Variants in ITPR1 observed in about 807,000 individuals in gnomAD.
The protein encoded by ITPR1 is inositol 1,4,5-trisphosphate-gated calcium channel ITPR1.
In ITPR1, 96 loss-of-function variants were observed where a neutral mutation model predicts 318.4. The ratio of observed to expected loss-of-function variants is 0.30; its 90% CI spans 0.26 to 0.36. The LOEUF (loss-of-function observed/expected upper bound fraction) is 0.36, where lower values mean the gene tolerates loss of function less well. Among genes scored for constraint, ITPR1 ranks in the 10% least tolerant of loss-of-function variants. The pLI, the probability that ITPR1 is intolerant of heterozygous loss-of-function variation, is 1.00. For missense variants in ITPR1, 2,440 were observed against 3,460.2 expected, an observed-to-expected ratio of 0.71 and a Z score of 7.40; for synonymous variants, 1,312 against 1,289.9, an observed-to-expected ratio of 1.02 and a Z score of -0.37.
intron 55 of ITPR1, among the ~76,000 whole-genome samples, chr3:4,807,098 AAAGAGAGGGGGGCTTAC>A (rs1396639036): frequency 5.2e-5 from 2 of 38,466 alleles, no homozygotes; most frequent in African/African-American, 1.3e-4. Context: ...GGGGGCTTAC[AAAGAGAGGGGGGCTTAC>A]AAAGAGAGGG....
chr3:4,715,624 G>A (rs1011213333), intron 39 of ITPR1, among the ~76,000 whole-genome samples: 4 of 152,100 alleles, frequency 2.6e-5, no homozygotes, highest in Non-Finnish European at 1.5e-5. Context: ...AGGCCGAGGC[G>A]GGTGGATCAC....
At chr3:4,785,164 A>G (rs759904175) in intron 51 of ITPR1, among the ~76,000 whole-genome samples, 18 of 152,204 alleles carry the variant, frequency 1.2e-4, no homozygotes, top group Non-Finnish European at 2.2e-4. Flanking sequence ...GTGTATCTCC[A>G]TTTTGCAAAT....
chr3:4,586,084 A>G (rs889884707), intron 4 of ITPR1, among the ~76,000 whole-genome samples: 6 of 152,060 alleles, frequency 3.9e-5, no homozygotes, highest in Admixed American at 3.3e-4. Flanking sequence ...CCATATCCCT[A>G]CAAAGGACAT....
intron 4 of ITPR1, among the ~76,000 whole-genome samples, chr3:4,599,532 T>A (rs1371189886): frequency 6.6e-6 from 1 of 152,182 alleles, no homozygotes; most frequent in Non-Finnish European, 1.5e-5. Context: ...ACTTTTACAG[T>A]CTTGCCAACA....
chr3:4,528,640 A>G (rs1342915279), intron 4 of ITPR1, among the ~76,000 whole-genome samples: 1 of 152,150 alleles, frequency 6.6e-6, no homozygotes, highest in Non-Finnish European at 1.5e-5. Context: ...CTAATCCATG[A>G]CAGGCCTTTC....
At chr3:4,748,767 A>G (rs1256440197) in intron 44 of ITPR1, among the ~76,000 whole-genome samples, 1 of 152,178 alleles carries the variant, frequency 6.6e-6, no homozygotes, top group Non-Finnish European at 1.5e-5. Flanking sequence ...TGTTAAGAGA[A>G]CGCGGTGTTT....
intron 4 of ITPR1, among the ~76,000 whole-genome samples, chr3:4,542,253 T>A (rs1012519944): frequency 1.3e-5 from 2 of 152,180 alleles, no homozygotes; most frequent in African/African-American, 4.8e-5. Flanking sequence ...CATTGGCTGT[T>A]TCTGAAAATG....
chr3:4,685,319 A>G (rs1050731401), intron 30 of ITPR1, 113 bp downstream of exon 30: 3 of 1,106,588 alleles, frequency 2.7e-6, no homozygotes, highest in African/African-American at 1.6e-5. Flanking sequence ...CAGTGTGACT[A>G]TTGTGACTAC....
intron 40 of ITPR1, among the ~76,000 whole-genome samples, chr3:4,721,664 G>A (rs1248358891): frequency 1.3e-5 from 2 of 152,172 alleles, no homozygotes. Flanking sequence ...TAGATCTACG[G>A]TACAGTTACA....
At chr3:4,518,536 C>G (rs866255743) in intron 3 of ITPR1, among the ~76,000 whole-genome samples, 138 of 152,084 alleles carry the variant, frequency 9.1e-4, no homozygotes, top group African/African-American at 3.1e-3. Flanking sequence ...GTTTGACAAC[C>G]CTTCCTGTTT....
chr3:4,667,769 G>C (rs1425281797), intron 18 of ITPR1, among the ~76,000 whole-genome samples: 1 of 152,122 alleles, frequency 6.6e-6, no homozygotes, highest in Non-Finnish European at 1.5e-5. Context: ...ATGAGCTTGG[G>C]TTTTTTCCTG....
chr3:4,822,873 C>T (rs2106512867), intron 60 of ITPR1, among the ~76,000 whole-genome samples: 1 of 152,236 alleles, frequency 6.6e-6, no homozygotes, highest in African/African-American at 2.4e-5. Flanking sequence ...CTGACATAGC[C>T]CTTGGCAGAT....
intron 57 of ITPR1, among the ~76,000 whole-genome samples, chr3:4,813,642 T>C (rs1447705995): frequency 2.0e-5 from 3 of 152,144 alleles, no homozygotes; most frequent in Non-Finnish European, 4.4e-5. Flanking sequence ...AAGGAGACTC[T>C]TGATATTCCA....
intron 2 of ITPR1, among the ~76,000 whole-genome samples, chr3:4,497,860 A>G (rs1486037360): frequency 1.3e-5 from 2 of 152,218 alleles, no homozygotes; most frequent in African/African-American, 4.8e-5. Context: ...ACAATGGAAT[A>G]TTATTCAGCC....
At chr3:4,674,402 TG>T in intron 22 of ITPR1, 59 bp downstream of exon 22, 2 of 1,430,708 alleles carry the variant, frequency 1.4e-6, no homozygotes, top group Non-Finnish European at 1.9e-6. Context: ...CATTTTTCTA[TG>T]GGGCAAATAG....
intron 30 of ITPR1, among the ~76,000 whole-genome samples, chr3:4,688,150 G>A (rs73807122): frequency 0.05 from 7,623 of 152,208 alleles, 674 homozygotes; most frequent in African/African-American, 0.17. Flanking sequence ...ACCCAAAGGG[G>A]TGGGATTACA....
intron 11 of ITPR1, among the ~76,000 whole-genome samples, chr3:4,653,004 A>T (rs1199236235): frequency 6.6e-6 from 1 of 152,184 alleles, no homozygotes; most frequent in Non-Finnish European, 1.5e-5. Flanking sequence ...AATGTCTGTG[A>T]AGAGTTTTTG....
intron 44 of ITPR1, among the ~76,000 whole-genome samples, chr3:4,742,646 A>T (rs1159174586): frequency 6.6e-6 from 1 of 152,084 alleles, no homozygotes; most frequent in Admixed American, 6.5e-5. Context: ...TTTTTAAGAG[A>T]TAGGGTCTTG....
chr3:4,630,654 C>T (rs1011474838), intron 5 of ITPR1, among the ~76,000 whole-genome samples: 8 of 151,326 alleles, frequency 5.3e-5, no homozygotes, highest in Non-Finnish European at 4.4e-5. Flanking sequence ...GGCGCCATCT[C>T]GGCCTACTGC....
Sources: gnomAD v4.1 joint callset for allele counts (sites outside exome capture counted in the v4.1 genomes callset) on GRCh38, gnomAD v4.1.1 for gene constraint, MANE v1.5 for transcripts, NCBI Gene and HGNC (gene_info 2026-07-23, HGNC 2026-07-21) for gene names.